TMEM163: variants seen among roughly 807,000 people sequenced by gnomAD.
TMEM163 encodes the protein transmembrane protein 163.
A neutral mutation model predicts 29.3 loss-of-function variants in TMEM163; 17 were observed. The ratio of observed to expected loss-of-function variants is 0.58; its 90% CI spans 0.40 to 0.87. TMEM163 has a LOEUF of 0.87. Ranked by LOEUF, TMEM163 falls within the 40% of genes least tolerant of loss-of-function variation. TMEM163 has a pLI of 0.00. For missense variants in TMEM163, 303 were observed against 381.5 expected, an observed-to-expected ratio of 0.79 and a Z score of 1.71; for synonymous variants, 157 against 160.6, an observed-to-expected ratio of 0.98 and a Z score of 0.17.
At chr2:134,696,070 G>T (rs1295002043) in intron 2 of TMEM163, among the ~76,000 whole-genome samples, 1 of 96,444 alleles carries the variant, frequency 1.0e-5, no homozygotes, top group Non-Finnish European at 2.1e-5. Context: ...AAAAAAAAAG[G>T]TTTAAATTCT....
intron 4 of TMEM163, among the ~76,000 whole-genome samples, chr2:134,529,912 G>A (rs548696373): frequency 9.9e-5 from 15 of 152,112 alleles, no homozygotes; most frequent in East Asian, 9.7e-4. Flanking sequence ...AGCTGGAGGC[G>A]TGGAAGGCTA....
At chr2:134,629,491 C>T (rs2104830918) in intron 2 of TMEM163, among the ~76,000 whole-genome samples, 1 of 152,276 alleles carries the variant, frequency 6.6e-6, no homozygotes, top group Non-Finnish European at 1.5e-5. Flanking sequence ...TGCCTTATCA[C>T]ATGGCAAGTT....
intron 2 of TMEM163, among the ~76,000 whole-genome samples, chr2:134,711,976 A>G (rs1684937053): frequency 6.6e-6 from 1 of 152,206 alleles, no homozygotes. Context: ...TCCCCTAGGG[A>G]CATCAATCCA....
At chr2:134,536,650 A>C (rs1039183795) in intron 4 of TMEM163, among the ~76,000 whole-genome samples, 51 of 152,246 alleles carry the variant, frequency 3.3e-4, no homozygotes, top group African/African-American at 1.2e-3. Flanking sequence ...ATCTCATAGG[A>C]TTGTTCTAAG....
intron 5 of TMEM163, among the ~76,000 whole-genome samples, chr2:134,496,090 C>T (rs1329033571): frequency 1.3e-5 from 2 of 149,356 alleles, no homozygotes; most frequent in African/African-American, 5.0e-5. Context: ...GAGACGGAGT[C>T]TCGCTCTGTC....
Position 134,625,586 on chromosome 2 carries a change from T to C in TMEM163, c.323-73495A>G, listed in dbSNP as rs191422368. 2.8e-3 allele frequency among the ~76,000 whole-genome samples: 419 copies of C among 152,346 alleles called. 2 individuals carry two copies. Among genetic ancestry groups the C allele is most frequent in the African/African-American group, 9.1e-3 (380 of 41,582 alleles). On this transcript the variant is annotated intron_variant, in intron 2 of 7. Coordinates refer to ENST00000281924, the MANE Select transcript of TMEM163 (RefSeq NM_030923.5). ...GAGATACCTGTGATTCTGACTTCCT[T>C]CTTTTCCTTTATATGAGATGTGGCC...
At chr2:134,477,217 C>T (rs1686935971) in intron 5 of TMEM163, among the ~76,000 whole-genome samples, 1 of 152,162 alleles carries the variant, frequency 6.6e-6, no homozygotes, top group Non-Finnish European at 1.5e-5. Context: ...AAGCACTATG[C>T]AGGAGGTACT....
intron 2 of TMEM163, among the ~76,000 whole-genome samples, chr2:134,680,819 G>A (rs759852620): frequency 2.0e-5 from 3 of 152,186 alleles, no homozygotes; most frequent in Admixed American, 6.5e-5. Context: ...GCTTCGCCAC[G>A]TGTCAGCTGT....
At chr2:134,690,102 T>A (rs905581944) in intron 2 of TMEM163, among the ~76,000 whole-genome samples, 1 of 152,096 alleles carries the variant, frequency 6.6e-6, no homozygotes, top group Non-Finnish European at 1.5e-5. Flanking sequence ...GGCTAATTTT[T>A]GTATTTTTAG....
At chr2:134,485,720 A>G (rs685113) in intron 5 of TMEM163, among the ~76,000 whole-genome samples, 51,714 of 152,088 alleles carry the variant, frequency 0.34, 9,052 homozygotes, top group Middle Eastern at 0.49. Context: ...AAATGCCTAT[A>G]TATTGAATAC....
intron 2 of TMEM163, among the ~76,000 whole-genome samples, chr2:134,639,651 T>C (rs879665834): frequency 2.0e-5 from 3 of 152,184 alleles, no homozygotes; most frequent in South Asian, 2.1e-4. Context: ...TGTCTAGTTA[T>C]AGCAAACCGT....
chr2:134,528,617 C>T (rs1177973992), intron 4 of TMEM163, among the ~76,000 whole-genome samples: 3 of 152,134 alleles, frequency 2.0e-5, no homozygotes, highest in African/African-American at 7.2e-5. Context: ...AATTCTTAAG[C>T]CATTTGAAAA....
At chr2:134,633,047 T>C (rs1050799048) in intron 2 of TMEM163, among the ~76,000 whole-genome samples, 1 of 151,688 alleles carries the variant, frequency 6.6e-6, no homozygotes, top group Non-Finnish European at 1.5e-5. Context: ...CGTGAGCCAC[T>C]GCACCAGGCC....
At chr2:134,648,183 C>A (rs1183586752) in intron 2 of TMEM163, among the ~76,000 whole-genome samples, 1 of 152,134 alleles carries the variant, frequency 6.6e-6, no homozygotes, top group Non-Finnish European at 1.5e-5. Flanking sequence ...ATAATCTTCC[C>A]CCAGAGTCTG....
At chr2:134,647,395 G>A (rs955314465) in intron 2 of TMEM163, among the ~76,000 whole-genome samples, 10 of 152,170 alleles carry the variant, frequency 6.6e-5, no homozygotes, top group African/African-American at 2.4e-4. Flanking sequence ...AAAAGCGCCT[G>A]GAAGCAAATG....
intron 5 of TMEM163, among the ~76,000 whole-genome samples, chr2:134,490,613 CA>C (rs924203309): frequency 3.3e-5 from 5 of 152,146 alleles, no homozygotes; most frequent in Non-Finnish European, 5.9e-5. Context: ...AATTTTTACT[CA>C]GTTTTTCCCA....
At chr2:134,542,464 G>A (rs72984211) in intron 4 of TMEM163, among the ~76,000 whole-genome samples, 2,953 of 152,216 alleles carry the variant, frequency 0.019, 79 homozygotes, top group African/African-American at 0.065. Flanking sequence ...CCAGGGGTCC[G>A]CAATCCCCAG....
At chr2:134,627,727 C>T (rs907000002) in intron 2 of TMEM163, among the ~76,000 whole-genome samples, 1 of 152,168 alleles carries the variant, frequency 6.6e-6, no homozygotes, top group Non-Finnish European at 1.5e-5. Context: ...CTGCCTGGTC[C>T]TTTACAGAAA....
intron 5 of TMEM163, among the ~76,000 whole-genome samples, chr2:134,480,928 C>T (rs1687038030): frequency 6.6e-6 from 1 of 152,114 alleles, no homozygotes; most frequent in South Asian, 2.1e-4. Flanking sequence ...AATGGTAATA[C>T]CAGTTTAACC....
Sources: allele counts gnomAD v4.1 joint callset (sites outside exome capture counted in the v4.1 genomes callset), GRCh38; gene constraint gnomAD v4.1.1; transcripts MANE v1.5; gene names NCBI Gene and HGNC (gene_info 2026-07-23, HGNC 2026-07-21).